SLIT3: variants seen among roughly 807,000 people sequenced by gnomAD.
SLIT3 encodes the protein slit guidance ligand 3.
Under a neutral mutation model 184.0 loss-of-function variants are expected in SLIT3, and 68 were observed. That is an observed-to-expected ratio of 0.37 (90% confidence interval 0.30 to 0.45). The LOEUF (loss-of-function observed/expected upper bound fraction) is 0.45, where lower values mean the gene tolerates loss of function less well. SLIT3 is among the 20% of genes least tolerant of loss of function. The probability of loss-of-function intolerance (pLI) is 1.00; values close to 1 mark genes in which losing one functional copy is unlikely to be tolerated. For synonymous variants in SLIT3, 831 were observed against 828.6 expected, an observed-to-expected ratio of 1.00 and a Z score of -0.05; for missense variants, 1,707 against 2,026.0, an observed-to-expected ratio of 0.84 and a Z score of 3.02.
At chr5:168,894,056 C>T (rs1037739933) in intron 4 of SLIT3, among the ~76,000 whole-genome samples, 2 of 152,138 alleles carry the variant, frequency 1.3e-5, no homozygotes, top group East Asian at 1.9e-4. Flanking sequence ...CTTATCTTTT[C>T]CTGAAAAAGA....
chr5:168,999,974 G>A (rs1204278437), intron 4 of SLIT3, among the ~76,000 whole-genome samples: 2 of 152,150 alleles, frequency 1.3e-5, no homozygotes, highest in Non-Finnish European at 2.9e-5. Flanking sequence ...CTTGGGGTCT[G>A]GGTATCCCCA....
At chr5:169,024,351 A>G (rs1232245748) in intron 4 of SLIT3, 8 of 152,152 alleles carry the variant, frequency 5.3e-5, no homozygotes, top group Admixed American at 2.6e-4. Context: ...TCTTCATCCA[A>G]TATACTACCC....
chr5:168,806,294 A>G, intron 9 of SLIT3, 152 bp downstream of exon 9: 1 of 811,938 alleles, frequency 1.2e-6, no homozygotes, highest in Non-Finnish European at 2.0e-6. Flanking sequence ...CATAGCTGGG[A>G]AAGTGTGGAA....
In SLIT3 at chr5:168,673,230, C is replaced by T. The variant is rs377401449; in HGVS notation, c.3788G>A (p.Gly1263Glu). The T allele has an allele frequency of 6.2e-7, 1 of 1,614,000 alleles. No individual in the cohort carries two copies. Among genetic ancestry groups the T allele is most frequent in the Non-Finnish European group, 8.5e-7 (1 of 1,180,038 alleles). ...VVDKGTPKSL[G>E]KLQKQPAVGI... ...CACTGCTGGCTGCTTCTGGAGCTTC[C>T]CCAGGCTCTTTGGAGTTCCTTTGTC... The change falls in exon 33 of 36, where the codon GGG becomes GAG. Residue 1263 changes from glycine to glutamate, a missense_variant. Physicochemically the swap from Gly to Glu is moderately conservative, Grantham distance 98. Transcript: ENST00000519560.
At chr5:168,776,642 A>G (rs919023083) in intron 12 of SLIT3, among the ~76,000 whole-genome samples, 12 of 152,102 alleles carry the variant, frequency 7.9e-5, no homozygotes, top group African/African-American at 2.7e-4. Flanking sequence ...CTATCGGTCT[A>G]TACTCTTTGC....
chr5:168,904,410 C>G (rs1760974919), intron 4 of SLIT3, among the ~76,000 whole-genome samples: 1 of 152,234 alleles, frequency 6.6e-6, no homozygotes, highest in East Asian at 1.9e-4. Context: ...CAGCTCCCCT[C>G]AGAGAGGCAG....
At chr5:169,113,473 C>T (rs1378732754) in intron 4 of SLIT3, among the ~76,000 whole-genome samples, 1 of 152,116 alleles carries the variant, frequency 6.6e-6, no homozygotes, top group Non-Finnish European at 1.5e-5. Context: ...CACTGATGGA[C>T]ACTTGAGTTG....
At chr5:169,243,167 T>C (rs558014246) in intron 3 of SLIT3, among the ~76,000 whole-genome samples, 2 of 152,200 alleles carry the variant, frequency 1.3e-5, no homozygotes, top group African/African-American at 2.4e-5. Context: ...GTTCCTGGCA[T>C]GTCCAAGGTA....
At chr5:168,667,674 G>C (rs112852619) in intron 35 of SLIT3, 58 of 152,360 alleles carry the variant, frequency 3.8e-4, no homozygotes, top group African/African-American at 1.3e-3. Flanking sequence ...CACAGTTTCC[G>C]TGTCTGCAAA....
chr5:169,043,307 T>C (rs925670972), intron 4 of SLIT3, among the ~76,000 whole-genome samples: 1 of 152,228 alleles, frequency 6.6e-6, no homozygotes, highest in Non-Finnish European at 1.5e-5. Flanking sequence ...TTTGGGCTGG[T>C]TGAGACACAT....
At chr5:168,837,715 A>G (rs1758099566) in intron 6 of SLIT3, among the ~76,000 whole-genome samples, 1 of 152,236 alleles carries the variant, frequency 6.6e-6, no homozygotes, top group African/African-American at 2.4e-5. Flanking sequence ...TAAAGCAGAG[A>G]AACAGTACAG....
intron 4 of SLIT3, among the ~76,000 whole-genome samples, chr5:169,077,900 C>T (rs936184307): frequency 2.0e-5 from 3 of 148,874 alleles, no homozygotes; most frequent in African/African-American, 7.5e-5. Context: ...AAAATAGCAA[C>T]ACTTTTTAAG....
At chr5:168,877,196 A>T (rs1581168995) in intron 5 of SLIT3, among the ~76,000 whole-genome samples, 1 of 152,204 alleles carries the variant, frequency 6.6e-6, no homozygotes, top group African/African-American at 2.4e-5. Flanking sequence ...GAGGGTGATA[A>T]GTGCTCTGAA....
intron 1 of SLIT3, among the ~76,000 whole-genome samples, chr5:169,266,217 C>T (rs914234545): frequency 3.3e-5 from 5 of 152,150 alleles, no homozygotes; most frequent in Admixed American, 2.6e-4. Flanking sequence ...CTCCAATCAC[C>T]GGGAGGCAGG....
rs770949564 is a variant in SLIT3, at chr5:168,753,557, CTGTT to C, written c.1829+303_1829+306del. Reference sequence around the variant, plus strand: ...TATGCTTATGTTTGTGGGTAAATGTCTGTTTGTGTGCCTCCTTCAGCAAGTTTCT... The same window carrying C: ...TATGCTTATGTTTGTGGGTAAATGTCTGTGTGCCTCCTTCAGCAAGTTTCT... On this transcript the variant is annotated intron_variant, in intron 17 of 35. Coordinates refer to ENST00000519560, the MANE Select transcript of SLIT3 (RefSeq NM_003062.4). Among the ~76,000 whole-genome samples the C allele has an allele frequency of 1.6e-4, 24 of 152,306 alleles. No homozygotes were observed. The East Asian group carries it at 1.7e-3, about 11-fold the overall frequency.
chr5:169,094,320 C>G (rs1759699762), intron 4 of SLIT3, among the ~76,000 whole-genome samples: 1 of 152,180 alleles, frequency 6.6e-6, no homozygotes, highest in Non-Finnish European at 1.5e-5. Flanking sequence ...AATTCCAACC[C>G]AAATTGTTTT....
At chr5:169,004,487 C>T (rs1242831892) in intron 4 of SLIT3, among the ~76,000 whole-genome samples, 2 of 152,200 alleles carry the variant, frequency 1.3e-5, no homozygotes, top group African/African-American at 2.4e-5. Context: ...GGCCTTCCTC[C>T]AAGCGCTGAG....
At chr5:169,067,338 A>T (rs1758390298) in intron 4 of SLIT3, among the ~76,000 whole-genome samples, 1 of 152,164 alleles carries the variant, frequency 6.6e-6, no homozygotes, top group Non-Finnish European at 1.5e-5. Flanking sequence ...CCTGGGAAGC[A>T]GAAGTTGCAG....
chr5:168,855,598 G>A (rs545887946), intron 5 of SLIT3, among the ~76,000 whole-genome samples: 92 of 152,130 alleles, frequency 6.0e-4, no homozygotes, highest in African/African-American at 2.0e-3. Flanking sequence ...AAAACATTAC[G>A]CTAAGTGAAA....
Sources: gnomAD v4.1 joint callset for allele counts (sites outside exome capture counted in the v4.1 genomes callset) on GRCh38, gnomAD v4.1.1 for gene constraint, MANE v1.5 for transcripts, NCBI Gene and HGNC (gene_info 2026-07-23, HGNC 2026-07-21) for gene names.